ATXN10: variants seen among roughly 807,000 people sequenced by gnomAD.
ATXN10 encodes ataxin-10.
A neutral mutation model predicts 52.9 loss-of-function variants in ATXN10; 28 were observed. That is an observed-to-expected ratio of 0.53 (90% CI 0.39 to 0.73). ATXN10 has a LOEUF of 0.73. Ranked by LOEUF, ATXN10 falls within the 30% of genes least tolerant of loss-of-function variation. The probability of loss-of-function intolerance (pLI) is 0.00; values close to 1 mark genes in which losing one functional copy is unlikely to be tolerated. For missense variants in ATXN10, 565 were observed against 577.0 expected, an observed-to-expected ratio of 0.98 and a Z score of 0.21; for synonymous variants, 226 against 221.5, an observed-to-expected ratio of 1.02 and a Z score of -0.18.
At chr22:45,695,842 TAGAC>T (rs1261370680) in intron 3 of ATXN10, among the ~76,000 whole-genome samples, 5 of 152,170 alleles carry the variant, frequency 3.3e-5, no homozygotes, top group Non-Finnish European at 5.9e-5. Flanking sequence ...TCTTGGTAGA[TAGAC>T]AAGAACTAGA....
chr22:45,817,553 G>T (rs759628199), intron 10 of ATXN10, among the ~76,000 whole-genome samples: 3 of 152,022 alleles, frequency 2.0e-5, no homozygotes, highest in Non-Finnish European at 4.4e-5. Flanking sequence ...TTGAACTCCT[G>T]ACCTCAAGTG....
rs1238546030 is a variant in ATXN10, at chr22:45,688,302, A to G, written c.117-1410A>G. 1.3e-5 allele frequency among the ~76,000 whole-genome samples: 2 copies of G among 152,134 alleles called. No homozygotes were observed. Among genetic ancestry groups the G allele is most frequent in the African/African-American group, 4.8e-5 (2 of 41,428 alleles). On this transcript the variant is annotated intron_variant, in intron 1 of 11. Transcript: ENST00000252934. The surrounding 1 kb of genome is among the most constrained non-coding windows in gnomAD (Gnocchi z 4.0). Reference sequence around the variant, plus strand: ...TTTATGTGCAGTTTCCCAGTTTTTAATTAATTTATACTCTGCCTCTTTCAA... The same window carrying G: ...TTTATGTGCAGTTTCCCAGTTTTTAGTTAATTTATACTCTGCCTCTTTCAA...
rs977474872 is a variant in ATXN10 at position 45,840,990 on chromosome 22, C to T, written c.1238-2001C>T. Among the ~76,000 whole-genome samples, 29 of 152,160 alleles carry T rather than the reference C, an allele frequency of 1.9e-4. No individual in the cohort carries two copies. Among genetic ancestry groups the T allele is most frequent in the Non-Finnish European group, 2.6e-4 (18 of 68,030 alleles). ...GAGTTTGTGTATCGACAGTGACATC[C>T]TGGGTGTGAAACTCAAATAATTCAT... On this transcript the variant is annotated intron_variant, in intron 10 of 11. Coordinates refer to ENST00000252934, the MANE Select transcript of ATXN10 (RefSeq NM_013236.4). This position sits in a 1 kb window ranked among gnomAD's most constrained non-coding sequence, Gnocchi z 5.8.
chr22:45,737,785 G>C (rs1470942187), intron 7 of ATXN10, among the ~76,000 whole-genome samples: 2 of 141,858 alleles, frequency 1.4e-5, no homozygotes, highest in East Asian at 2.1e-4. Flanking sequence ...TGCAACCTCT[G>C]CCTCCTAGGT....
intron 9 of ATXN10, among the ~76,000 whole-genome samples, chr22:45,799,690 A>G (rs1023788113): frequency 6.6e-6 from 1 of 152,220 alleles, no homozygotes; most frequent in Non-Finnish European, 1.5e-5. Flanking sequence ...GTAAAACAAT[A>G]AATTCCTGTC....
chr22:45,710,007 T>C (rs903959426), intron 5 of ATXN10, among the ~76,000 whole-genome samples: 3 of 152,212 alleles, frequency 2.0e-5, no homozygotes, highest in Non-Finnish European at 4.4e-5. Context: ...ACATCTTTCA[T>C]TGCTACTGCC....
chr22:45,762,722 G>C lies in ATXN10; in HGVS notation c.1173+22184G>C, dbSNP rs1393846290. Among the ~76,000 whole-genome samples the C allele has an allele frequency of 1.3e-5, 2 of 152,220 alleles. No homozygotes were observed. Among genetic ancestry groups the C allele is most frequent in the Non-Finnish European group, 2.9e-5 (2 of 68,034 alleles). ...CACCTCACTCTTACTCCTGTCTCCA[G>C]GCTGGTGACCTCACATGGCCCCAGC... On this transcript the variant is annotated intron_variant, in intron 9 of 11. Coordinates refer to ENST00000252934, the MANE Select transcript of ATXN10 (RefSeq NM_013236.4). The surrounding 1 kb of genome is among the most constrained non-coding windows in gnomAD (Gnocchi z 4.3).
In ATXN10 at chr22:45,729,526, G is replaced by A. The variant is rs1168712713; in HGVS notation, c.830G>A (p.Ser277Asn). ...TTGCGGCATGCTGAGTTGATTGCAA[G>A]CACCTTTGTGGATCAGTGCAAGACT... ...VFLRHAELIA[S>N]TFVDQCKTVL... The change falls in exon 7 of 12, where the codon AGC becomes AAC. Residue 277 changes from serine to asparagine, a missense_variant. By Grantham distance (46) the Ser-to-Asn change is conservative (BLOSUM62 1). Transcript: ENST00000252934. The A allele has an allele frequency of 6.2e-7, 1 of 1,614,144 alleles. No individual in the cohort carries two copies. Among genetic ancestry groups the A allele is most frequent in the Non-Finnish European group, 8.5e-7 (1 of 1,180,042 alleles).
At position 45,825,373 on chromosome 22, in the gene ATXN10, T is replaced by C. The variant is rs1422052462; in HGVS notation, c.1238-17618T>C. Among the ~76,000 whole-genome samples the C allele has an allele frequency of 3.9e-5, 6 of 152,096 alleles. No individual in the cohort carries two copies. Among genetic ancestry groups the C allele is most frequent in the South Asian group, 2.1e-4 (1 of 4,824 alleles). The stretch of plus-strand genomic sequence containing the variant: ...GAACCAGGCATTAAATACTAGGACA[T>C]TGAAAAATAACTGTATATACAGGGA... On this transcript the variant is annotated intron_variant, in intron 10 of 11. Coordinates refer to ENST00000252934, the MANE Select transcript of ATXN10 (RefSeq NM_013236.4). The surrounding 1 kb of genome is among the most constrained non-coding windows in gnomAD (Gnocchi z 4.5).
chr22:45,840,726 C>CA lies in ATXN10; in HGVS notation c.1238-2263dup, dbSNP rs1350044183. On this transcript the variant is annotated intron_variant, in intron 10 of 11. Coordinates refer to ENST00000252934, the MANE Select transcript of ATXN10 (RefSeq NM_013236.4). The surrounding 1 kb of genome is among the most constrained non-coding windows in gnomAD (Gnocchi z 5.8). ...GCACCAGACTCTTCAGTTTCTGAGC[C>CA]AACCACCCCTCTGATCTCAGGAGCT... Among the ~76,000 whole-genome samples, 1 of 152,212 alleles carries CA rather than the reference C, an allele frequency of 6.6e-6. No individual in the cohort carries two copies. Among genetic ancestry groups the CA allele is most frequent in the African/African-American group, 2.4e-5 (1 of 41,460 alleles).
At chr22:45,735,022 G>A (rs1925238257) in intron 7 of ATXN10, among the ~76,000 whole-genome samples, 1 of 151,610 alleles carries the variant, frequency 6.6e-6, no homozygotes, top group Non-Finnish European at 1.5e-5. Flanking sequence ...GTAGCTGCAG[G>A]CACCCACCAC....
rs997202330 is a variant in ATXN10, at chr22:45,833,281, G to T, written c.1238-9710G>T. Reference sequence around the variant, plus strand: ...CTTCCTGGGAGCTGCTGAAGGCGTCGGGGGAGGTGGGGTGAGGAGGCAGGT... The same window carrying T: ...CTTCCTGGGAGCTGCTGAAGGCGTCTGGGGAGGTGGGGTGAGGAGGCAGGT... On this transcript the variant is annotated intron_variant, in intron 10 of 11. Coordinates refer to ENST00000252934, the MANE Select transcript of ATXN10 (RefSeq NM_013236.4). This position sits in a 1 kb window ranked among gnomAD's most constrained non-coding sequence, Gnocchi z 4.3. 1.3e-5 allele frequency among the ~76,000 whole-genome samples: 2 copies of T among 152,146 alleles called. No individual in the cohort carries two copies. The highest frequency in any genetic ancestry group is 4.1e-4 in the South Asian group (2 of 4,826).
chr22:45,759,736 G>A lies in ATXN10; in HGVS notation c.1173+19198G>A, dbSNP rs1926312357. On this transcript the variant is annotated intron_variant, in intron 9 of 11. Transcript: ENST00000252934. The surrounding 1 kb of genome is among the most constrained non-coding windows in gnomAD (Gnocchi z 5.4). ...CTCTAGTTTTGTAGGGGATGGGGTGGGATGGGGTCACACCTCAGCTGCCGG... is the reference window on the plus strand; with the variant it reads ...CTCTAGTTTTGTAGGGGATGGGGTGAGATGGGGTCACACCTCAGCTGCCGG... Among the ~76,000 whole-genome samples, 1 of 152,096 alleles carries A rather than the reference G, an allele frequency of 6.6e-6. No homozygotes were observed. Among genetic ancestry groups the A allele is most frequent in the Admixed American group, 6.5e-5 (1 of 15,272 alleles).
intron 6 of ATXN10, among the ~76,000 whole-genome samples, chr22:45,723,675 A>G (rs1234481294): frequency 1.3e-5 from 2 of 152,068 alleles, no homozygotes; most frequent in Non-Finnish European, 2.9e-5. Flanking sequence ...ATGGCCTCCA[A>G]CTGGGCATGG....
chr22:45,741,833 G>C (rs1925548617), intron 9 of ATXN10, among the ~76,000 whole-genome samples: 1 of 152,192 alleles, frequency 6.6e-6, no homozygotes, highest in Non-Finnish European at 1.5e-5. Flanking sequence ...CAAACGGGCA[G>C]ATTCTGGAGT....
rs1480315901 is a variant in ATXN10 at position 45,816,105 on chromosome 22, T to G, written c.1237+9083T>G. 6.6e-6 allele frequency among the ~76,000 whole-genome samples: 1 copy of G among 151,846 alleles called. No individual in the cohort carries two copies. Among genetic ancestry groups the G allele is most frequent in the South Asian group, 2.1e-4 (1 of 4,806 alleles). On this transcript the variant is annotated intron_variant, in intron 10 of 11. Coordinates refer to ENST00000252934, the MANE Select transcript of ATXN10 (RefSeq NM_013236.4). This position sits in a 1 kb window ranked among gnomAD's most constrained non-coding sequence, Gnocchi z 5.8. ...TCTCCTAAAAATACAAAAAAAAAATTCGCTAGGCGTGGTGGCACGCACCCT... is the reference window on the plus strand; with the variant it reads ...TCTCCTAAAAATACAAAAAAAAAATGCGCTAGGCGTGGTGGCACGCACCCT...
At chr22:45,758,823 G>T (rs1043851741) in intron 9 of ATXN10, among the ~76,000 whole-genome samples, 3 of 152,180 alleles carry the variant, frequency 2.0e-5, no homozygotes, top group African/African-American at 7.2e-5. Context: ...ACAGCCTGAG[G>T]CATCAGTAAT....
In ATXN10 at chr22:45,826,132, G is replaced by A. The variant is rs540761215; in HGVS notation, c.1238-16859G>A. 1.9e-4 allele frequency among the ~76,000 whole-genome samples: 29 copies of A among 152,218 alleles called. No homozygotes were observed. The highest frequency in any genetic ancestry group is 6.7e-4 in the African/African-American group (28 of 41,516). On this transcript the variant is annotated intron_variant, in intron 10 of 11. Coordinates refer to ENST00000252934, the MANE Select transcript of ATXN10 (RefSeq NM_013236.4). The surrounding 1 kb of genome is among the most constrained non-coding windows in gnomAD (Gnocchi z 5.0). ...TCAGCAAAGAGATAGAAGACCTGAA[G>A]ATAAATCAAAGAGAAATTCTGGAGC...
intron 9 of ATXN10, chr22:45,760,570 G>A (rs1926349359): frequency 6.5e-6 from 1 of 153,932 alleles, no homozygotes; most frequent in Non-Finnish European, 1.5e-5. Flanking sequence ...AAGCTAGGAA[G>A]GCTTCTGATC....
Sources: allele counts gnomAD v4.1 joint callset (sites outside exome capture counted in the v4.1 genomes callset), GRCh38; gene constraint gnomAD v4.1.1; non-coding constraint Gnocchi (gnomAD v3.1); transcripts MANE v1.5; gene names NCBI Gene and HGNC (gene_info 2026-07-23, HGNC 2026-07-21).